Variants in LAMA2 observed in about 807,000 individuals in gnomAD.
The protein encoded by LAMA2 is laminin subunit alpha 2, also known as laminin subunit alpha-2.
LAMA2 carries 269 observed loss-of-function variants against 364.8 expected under a neutral mutation model. The observed-to-expected ratio is 0.74, with a 90% CI of 0.67 to 0.82. LAMA2 has a LOEUF of 0.82. LAMA2 is among the 40% of genes least tolerant of loss of function. The probability of loss-of-function intolerance (pLI) is 0.00; values close to 1 mark genes in which losing one functional copy is unlikely to be tolerated. For missense variants in LAMA2, 3,807 were observed against 3,873.2 expected (o/e 0.98, Z 0.45); for synonymous variants, 1,379 against 1,370.6 (o/e 1.01, Z -0.14).
At position 129,440,917 on chromosome 6, in the gene LAMA2, G is replaced by A. The variant is rs187633696; in HGVS notation, c.6187G>A (p.Asp2063Asn). 1.2e-5 allele frequency: 20 copies of A among 1,613,918 alleles called. No homozygotes were observed. Among genetic ancestry groups the A allele is most frequent in the Admixed American group, 5.0e-5 (3 of 59,984 alleles). Reference sequence around the variant, plus strand: ...GATTACAGAGCTCCACCAGAACCTCGATGGCCTGAAGAAGAATTACAATAA... The same window carrying A: ...GATTACAGAGCTCCACCAGAACCTCAATGGCCTGAAGAAGAATTACAATAA... ...AQITELHQNLDGLKKNYNKLA... is the reference protein window; with the variant it reads ...AQITELHQNLNGLKKNYNKLA... The change falls in exon 43 of 65, where the codon GAT (aspartate) becomes AAT (asparagine). Residue 2063 changes from aspartate to asparagine, a missense_variant. By Grantham distance (23) the Asp-to-Asn change is conservative (BLOSUM62 1). Around this residue, in one of 3 missense-constraint regions of LAMA2, gnomAD observed 3,333 missense variants for 3,345.7 expected, o/e 1.00. Transcript: ENST00000421865.
At position 129,019,067 on chromosome 6, in the gene LAMA2, A is replaced by G. The variant is rs775875372; in HGVS notation, c.113-30851A>G. 5.9e-5 allele frequency among the ~76,000 whole-genome samples: 9 copies of G among 152,126 alleles called. No individual in the cohort carries two copies. In the Middle Eastern group the frequency reaches 0.014, roughly 230 times the overall value. ...TTAGGATTGATTATTCCCTATGCCC[A>G]CTGTACTGTTTTTCTACATTGGATC... is the stretch of plus-strand genomic sequence containing the variant. On this transcript the variant is annotated intron_variant, in intron 1 of 64. Coordinates refer to ENST00000421865, the MANE Select transcript of LAMA2 (RefSeq NM_000426.4).
At chr6:129,154,706 TAAAG>T (rs1366947731) in intron 8 of LAMA2, 23 bp downstream of exon 8, 18 of 1,599,098 alleles carry the variant, frequency 1.1e-5, no homozygotes, top group Non-Finnish European at 1.4e-5. Flanking sequence ...TTTTCTTTCA[TAAAG>T]AGTTATTTTT....
intron 32 of LAMA2, among the ~76,000 whole-genome samples, chr6:129,355,110 A>AAT (rs2114597438): frequency 6.6e-6 from 1 of 152,276 alleles, no homozygotes; most frequent in African/African-American, 2.4e-5. Context: ...TCCAGAAAAA[A>AAT]ATATTAAATT....
intron 12 of LAMA2, among the ~76,000 whole-genome samples, chr6:129,246,655 A>G (rs1373165293): frequency 6.6e-6 from 1 of 152,148 alleles, no homozygotes; most frequent in African/African-American, 2.4e-5. Context: ...CTATCAAAAA[A>G]ACTGAAGTCA....
At chr6:129,457,042 A>G in intron 48 of LAMA2, among the ~76,000 whole-genome samples, 1 of 152,180 alleles carries the variant, frequency 6.6e-6, no homozygotes, top group African/African-American at 2.4e-5. Flanking sequence ...TGCCTTTTAA[A>G]GAAGCTTGTG....
chr6:129,299,648 A>C (rs1384029214), intron 21 of LAMA2, among the ~76,000 whole-genome samples: 1 of 152,170 alleles, frequency 6.6e-6, no homozygotes, highest in Non-Finnish European at 1.5e-5. Flanking sequence ...TGAAGGACAC[A>C]TCTAAAATAA....
chr6:129,326,129 C>T (rs144469189), intron 28 of LAMA2, among the ~76,000 whole-genome samples: 2 of 152,190 alleles, frequency 1.3e-5, no homozygotes, highest in Non-Finnish European at 2.9e-5. Context: ...CGTGAGCCAC[C>T]ATGTCTCGCC....
At chr6:129,373,542 T>A (rs1001124624) in intron 34 of LAMA2, among the ~76,000 whole-genome samples, 1 of 152,202 alleles carries the variant, frequency 6.6e-6, no homozygotes, top group Non-Finnish European at 1.5e-5. Flanking sequence ...ACTGTATTCA[T>A]ATTTTTTCAG....
chr6:129,418,856 T>G (rs1262032280), intron 40 of LAMA2, among the ~76,000 whole-genome samples: 1 of 152,168 alleles, frequency 6.6e-6, no homozygotes, highest in Non-Finnish European at 1.5e-5. Context: ...AACTTAATTT[T>G]CAGAATTTAT....
intron 1 of LAMA2, among the ~76,000 whole-genome samples, chr6:128,953,636 T>C (rs1780975650): frequency 6.6e-6 from 1 of 151,566 alleles, no homozygotes; most frequent in African/African-American, 2.4e-5. Context: ...AATGTATGTC[T>C]ATATATATAT....
intron 8 of LAMA2, among the ~76,000 whole-genome samples, chr6:129,165,101 C>G (rs913106231): frequency 6.6e-6 from 1 of 151,370 alleles, no homozygotes; most frequent in Non-Finnish European, 1.5e-5. Flanking sequence ...TAGTAGCAAA[C>G]AAGTTTTCAT....
chr6:129,453,614 G>A (rs991768434), intron 46 of LAMA2, among the ~76,000 whole-genome samples: 1 of 151,992 alleles, frequency 6.6e-6, no homozygotes, highest in Admixed American at 6.6e-5. Flanking sequence ...ATCTACAAAA[G>A]CCCACCCATA....
In LAMA2 at chr6:129,172,027, A is replaced by T. The variant is rs1172347560; in HGVS notation, c.1307-5679A>T. ...TCGAGCCTTGGTTTTCAGCTCCATCAGCTCCTTTAAGCACTTCTCTGTATT... is the reference window on the plus strand; with the variant it reads ...TCGAGCCTTGGTTTTCAGCTCCATCTGCTCCTTTAAGCACTTCTCTGTATT... On this transcript the variant is annotated intron_variant, in intron 9 of 64. Transcript: ENST00000421865. 3.6e-3 allele frequency among the ~76,000 whole-genome samples: 478 copies of T among 134,258 alleles called. 2 individuals are homozygous for T. Among genetic ancestry groups the T allele is most frequent in the Middle Eastern group, 7.4e-3 (2 of 270 alleles). The allele number at this position is 134,258 out of a possible 152,430, so 88.1% of individuals were successfully genotyped here. A position where few individuals can be genotyped will look rare whatever the true frequency, so the allele number is the denominator to read the frequency against.
intron 4 of LAMA2, among the ~76,000 whole-genome samples, chr6:129,110,723 C>G (rs1776111252): frequency 6.6e-6 from 1 of 151,978 alleles, no homozygotes; most frequent in Non-Finnish European, 1.5e-5. Context: ...AATCTCTGGT[C>G]CAGGTCCAGT....
chr6:129,147,385 T>A (rs1371389005), intron 6 of LAMA2, among the ~76,000 whole-genome samples: 3 of 151,746 alleles, frequency 2.0e-5, no homozygotes, highest in Non-Finnish European at 4.4e-5. Flanking sequence ...CCTGACCATT[T>A]CTTTTAAAGT....
At chr6:129,158,791 G>C in intron 8 of LAMA2, 1 of 1,614,136 alleles carries the variant, frequency 6.2e-7, no homozygotes, top group Non-Finnish European at 8.5e-7. Flanking sequence ...GAGAATCTTT[G>C]CACTGAAAAT....
intron 1 of LAMA2, among the ~76,000 whole-genome samples, chr6:128,897,462 CT>C (rs1324032174): frequency 6.6e-6 from 1 of 152,036 alleles, no homozygotes; most frequent in Non-Finnish European, 1.5e-5. Flanking sequence ...TAAGAATGTG[CT>C]TTTTTTCTCT....
chr6:128,915,829 A>T (rs1053752819), intron 1 of LAMA2, among the ~76,000 whole-genome samples: 1 of 152,210 alleles, frequency 6.6e-6, no homozygotes, highest in African/African-American at 2.4e-5. Context: ...TTATAGTTGT[A>T]TATTTGTAGT....
Position 129,105,638 on chromosome 6 carries a change from A to G in LAMA2, c.639+7223A>G, listed in dbSNP as rs566528445. ...ATATTGGTCATTCTAACTACTTCCA[A>G]CTGAAGAAAGAGACTAACTTTTTCT... On this transcript the variant is annotated intron_variant, in intron 4 of 64. Transcript: ENST00000421865. Among the ~76,000 whole-genome samples, 3 of 152,252 alleles carry G rather than the reference A, an allele frequency of 2.0e-5. No homozygotes were observed. In the South Asian group the frequency reaches 6.2e-4, roughly 32 times the overall value.
Sources: gnomAD v4.1 joint callset for allele counts (sites outside exome capture counted in the v4.1 genomes callset) on GRCh38, gnomAD v4.1.1 for gene constraint, gnomAD v4.1.1 regional missense constraint, MANE v1.5 for transcripts, NCBI Gene and HGNC (gene_info 2026-07-23, HGNC 2026-07-21) for gene names.